DTD1: variants seen among roughly 807,000 people sequenced by gnomAD.
The protein encoded by DTD1 is D-aminoacyl-tRNA deacylase 1.
Under a neutral mutation model 25.6 loss-of-function variants are expected in DTD1, and 13 were observed. The observed-to-expected ratio is 0.51, with a 90% CI of 0.33 to 0.81. DTD1 has a LOEUF of 0.81. DTD1 is among the 30% of genes least tolerant of loss of function. DTD1 has a pLI of 0.02. For missense variants in DTD1, 193 were observed against 266.4 expected, an observed-to-expected ratio of 0.72 and a Z score of 1.92; for synonymous variants, 110 against 103.6, an observed-to-expected ratio of 1.06 and a Z score of -0.37.
chr20:18,677,466 G>A (rs1284420364), intron 4 of DTD1, among the ~76,000 whole-genome samples: 1 of 152,116 alleles, frequency 6.6e-6, no homozygotes, highest in Non-Finnish European at 1.5e-5. Flanking sequence ...ACAGAGAACT[G>A]GGGAGGGGTG....
intron 4 of DTD1, among the ~76,000 whole-genome samples, chr20:18,673,949 G>T (rs1051887155): frequency 6.6e-6 from 1 of 150,868 alleles, no homozygotes; most frequent in Non-Finnish European, 1.5e-5. Flanking sequence ...AAACTTTATC[G>T]TATTTTTCTA....
intron 4 of DTD1, among the ~76,000 whole-genome samples, chr20:18,644,917 A>G (rs1181219045): frequency 6.6e-6 from 1 of 152,178 alleles, no homozygotes; most frequent in Non-Finnish European, 1.5e-5. Flanking sequence ...AGCCCAAGGC[A>G]GGAATATCGC....
At chr20:18,665,093 G>A (rs1353029585) in intron 4 of DTD1, among the ~76,000 whole-genome samples, 1 of 152,218 alleles carries the variant, frequency 6.6e-6, no homozygotes, top group Non-Finnish European at 1.5e-5. Flanking sequence ...GAATACCACG[G>A]AAGACATAGC....
chr20:18,596,384 T>A, intron 3 of DTD1, 143 bp downstream of exon 3: 2 of 667,934 alleles, frequency 3.0e-6, no homozygotes, highest in Non-Finnish European at 5.1e-6. Flanking sequence ...TACTAGCTGC[T>A]GCTATTGCTG....
rs78355916 is a variant in DTD1 at position 18,742,299 on chromosome 20, T to C, written c.478-1801T>C. 8.8e-3 allele frequency among the ~76,000 whole-genome samples: 1,335 copies of C among 152,254 alleles called. 14 individuals are homozygous for C. Among genetic ancestry groups the C allele is most frequent in the South Asian group, 0.036 (172 of 4,818 alleles). On this transcript the variant is annotated intron_variant, in intron 4 of 5. Transcript: ENST00000377452. ...GTCTTCATTCACAAAATCTAATTAG[T>C]ATATTAACCAAACTTAGCTGTATTC...
chr20:18,638,584 A>G (rs991686047), intron 4 of DTD1, among the ~76,000 whole-genome samples: 34 of 152,178 alleles, frequency 2.2e-4, no homozygotes, highest in Non-Finnish European at 1.8e-4. Context: ...AAGAAAGGCC[A>G]GTGTGGCTGG....
rs563574918 is a variant in DTD1, at chr20:18,752,557, C to T, written c.*19+8286C>T. On this transcript the variant is annotated intron_variant, in intron 5 of 5. Coordinates refer to ENST00000377452, the MANE Select transcript of DTD1 (RefSeq NM_080820.6). ...TGTTTCTTTCTTGGAGTTTCCGTCT[C>T]TCTGCTTACATTACCTATCTGTTCT... is the stretch of plus-strand genomic sequence containing the variant. Among the ~76,000 whole-genome samples, 6 of 152,234 alleles carry T rather than the reference C, an allele frequency of 3.9e-5. No individual in the cohort carries two copies. The East Asian group carries it at 1.2e-3, about 29-fold the overall frequency.
At chr20:18,595,674 T>G (rs1168470900) in intron 2 of DTD1, among the ~76,000 whole-genome samples, 1 of 152,224 alleles carries the variant, frequency 6.6e-6, no homozygotes, top group Non-Finnish European at 1.5e-5. Flanking sequence ...ACCCATGTTT[T>G]GACATATCCC....
intron 4 of DTD1, among the ~76,000 whole-genome samples, chr20:18,653,666 A>G (rs2060882074): frequency 6.6e-6 from 1 of 152,244 alleles, no homozygotes. Flanking sequence ...CTGTCTTTGG[A>G]TAGTAGCTCT....
intron 4 of DTD1, among the ~76,000 whole-genome samples, chr20:18,647,281 G>C (rs1420214403): frequency 6.6e-6 from 1 of 152,086 alleles, no homozygotes; most frequent in East Asian, 1.9e-4. Flanking sequence ...CTTTTCATGT[G>C]CCAGATTTCT....
At chr20:18,629,487 A>T (rs919415524) in intron 4 of DTD1, among the ~76,000 whole-genome samples, 1 of 151,250 alleles carries the variant, frequency 6.6e-6, no homozygotes, top group South Asian at 2.1e-4. Flanking sequence ...TTGTGTAGAG[A>T]GGGAGTTTTA....
intron 3 of DTD1, among the ~76,000 whole-genome samples, chr20:18,597,753 G>A (rs2060617448): frequency 6.6e-6 from 1 of 151,890 alleles, no homozygotes; most frequent in Non-Finnish European, 1.5e-5. Flanking sequence ...TCTGTAACTG[G>A]CTGTATTTGA....
At chr20:18,699,350 G>A (rs1166463360) in intron 4 of DTD1, among the ~76,000 whole-genome samples, 1 of 152,148 alleles carries the variant, frequency 6.6e-6, no homozygotes, top group Non-Finnish European at 1.5e-5. Context: ...CTGGAAATGG[G>A]TCAGCAGTAG....
intron 4 of DTD1, among the ~76,000 whole-genome samples, chr20:18,703,520 TG>T (rs1332563702): frequency 3.3e-5 from 5 of 152,100 alleles, no homozygotes; most frequent in Non-Finnish European, 7.4e-5. Flanking sequence ...AGAGACCAGT[TG>T]ATAATCCTCC....
At chr20:18,618,539 T>C (rs775224894) in intron 3 of DTD1, among the ~76,000 whole-genome samples, 2 of 150,304 alleles carry the variant, frequency 1.3e-5, no homozygotes, top group South Asian at 4.2e-4. Flanking sequence ...ATAAAAATTA[T>C]ATATATGAAC....
At chr20:18,675,260 G>A (rs1412135700) in intron 4 of DTD1, 1 of 152,248 alleles carries the variant, frequency 6.6e-6, no homozygotes, top group African/African-American at 2.4e-5. Context: ...AGCCTTGGAA[G>A]TCCCATACTG....
intron 4 of DTD1, among the ~76,000 whole-genome samples, chr20:18,700,849 TTTTCACAGG>T (rs1192413871): frequency 6.6e-6 from 1 of 152,168 alleles, no homozygotes; most frequent in Non-Finnish European, 1.5e-5. Context: ...GAAGGAAGGC[TTTTCACAGG>T]ACAGGGTTGC....
chr20:18,631,963 C>G, intron 4 of DTD1: 2 of 933,070 alleles, frequency 2.1e-6, no homozygotes, highest in African/African-American at 1.8e-5. Context: ...GAGTAAGTCT[C>G]AAGATCTAAT....
intron 3 of DTD1, among the ~76,000 whole-genome samples, chr20:18,601,040 T>A (rs985934282): frequency 6.6e-6 from 1 of 152,212 alleles, no homozygotes; most frequent in Non-Finnish European, 1.5e-5. Flanking sequence ...TCTTTTTATT[T>A]CTTGCCTTAT....
Sources: gnomAD v4.1 joint callset for allele counts (sites outside exome capture counted in the v4.1 genomes callset) on GRCh38, gnomAD v4.1.1 for gene constraint, MANE v1.5 for transcripts, NCBI Gene and HGNC (gene_info 2026-07-23, HGNC 2026-07-21) for gene names.